KCTD10: variants seen among roughly 807,000 people sequenced by gnomAD.
The protein encoded by KCTD10 is potassium channel tetramerization domain containing 10, also known as BTB/POZ domain-containing adapter for CUL3-mediated RhoA degradation protein 3.
Under a neutral mutation model 34.6 loss-of-function variants are expected in KCTD10, and 13 were observed. That is an observed-to-expected ratio of 0.38 (90% CI 0.24 to 0.60). The LOEUF is 0.60. KCTD10 is among the 20% of genes least tolerant of loss of function. The pLI, the probability that KCTD10 is intolerant of heterozygous loss-of-function variation, is 0.66. For missense variants in KCTD10, 256 were observed against 420.3 expected (o/e 0.61, Z 3.42); for synonymous variants, 156 against 168.8 (o/e 0.92, Z 0.59).
intron 1 of KCTD10, chr12:109,469,960 G>A: frequency 8.1e-7 from 1 of 1,239,002 alleles, no homozygotes; most frequent in Non-Finnish European, 1.1e-6. Context: ...GTCAGAGCTG[G>A]GGTATTGGAT....
rs754381374 is a variant in KCTD10 at position 109,451,807 on chromosome 12, A to C, written c.730T>G (p.Phe244Val). 1 of 1,612,440 alleles carries C rather than the reference A, an allele frequency of 6.2e-7. No individual in the cohort carries two copies. Among genetic ancestry groups the C allele is most frequent in the South Asian group, 1.1e-5 (1 of 90,778 alleles). Residue 244 changes from phenylalanine to valine, a missense_variant, in exon 7 of 7, where the codon TTT (phenylalanine) becomes GTT (valine). By Grantham distance (50) the Phe-to-Val change is conservative (BLOSUM62 -1). Transcript: ENST00000228495. The surrounding 1 kb of genome is among the most constrained non-coding windows in gnomAD (Gnocchi z 5.0). ...TCCTCATAAATCCGGGCTTCGGGAA[A>C]CTCCACCTGTGTTCCCACAGTATAC... ...ATEKKQTKVE[F>V]PEARIYEETL...
chr12:109,460,290 C>T lies in KCTD10; in HGVS notation c.387+346G>A, dbSNP rs1193619825. 2 of 216,056 alleles carry T rather than the reference C, an allele frequency of 9.3e-6. No individual in the cohort carries two copies. Among genetic ancestry groups the T allele is most frequent in the Non-Finnish European group, 1.9e-5 (2 of 107,916 alleles). The allele number at this position is 216,056 out of a possible 1,614,324, so 13.4% of individuals were successfully genotyped here. A position where few individuals can be genotyped will look rare whatever the true frequency, so the allele number is the denominator to read the frequency against. Reference sequence around the variant, plus strand: ...GTCTGTCTGTAGAGATTATGCTGAGCTCCCAACAATGACTTGTGGGACTAG... The same window carrying T: ...GTCTGTCTGTAGAGATTATGCTGAGTTCCCAACAATGACTTGTGGGACTAG... On this transcript the variant is annotated intron_variant, in intron 3 of 6. Coordinates refer to ENST00000228495, the MANE Select transcript of KCTD10 (RefSeq NM_031954.5). The surrounding 1 kb of genome is among the most constrained non-coding windows in gnomAD (Gnocchi z 4.5).
At chr12:109,461,123 G>T (rs1261692816) in intron 2 of KCTD10, among the ~76,000 whole-genome samples, 1 of 152,232 alleles carries the variant, frequency 6.6e-6, no homozygotes, top group Non-Finnish European at 1.5e-5. Flanking sequence ...TCCAACAGGG[G>T]CCTCGTGTAC....
At chr12:109,470,598 A>G in intron 1 of KCTD10, 1 of 985,480 alleles carries the variant, frequency 1.0e-6, no homozygotes, top group Non-Finnish European at 1.2e-6. Flanking sequence ...ATCTTTGCTG[A>G]ATCTGGGGTA....
chr12:109,469,856 C>T, intron 1 of KCTD10, 128 bp from the exon 2 acceptor site: 1 of 1,451,484 alleles, frequency 6.9e-7, no homozygotes. Flanking sequence ...AAGTTTGCTT[C>T]CAATGTGGAC....
Position 109,469,504 on chromosome 12 carries a change from G to A in KCTD10, c.217+11C>T, listed in dbSNP as rs757779430. On this transcript the variant is annotated intron_variant, in intron 2 of 6. Coordinates refer to ENST00000228495, the MANE Select transcript of KCTD10 (RefSeq NM_031954.5). ...CATGGCCAGAGGCAGGCACATGGTG[G>A]GTGAGCTTACCTTCACTGTCGGTGA... The A allele has an allele frequency of 1.4e-5, 22 of 1,613,138 alleles. No homozygotes were observed. In the South Asian group the frequency reaches 2.2e-4, roughly 16 times the overall value.
In KCTD10 at chr12:109,451,744, G is replaced by A. The variant is rs143606895; in HGVS notation, c.793C>T (p.Arg265Trp). 1.1e-4 allele frequency: 174 copies of A among 1,614,136 alleles called. No individual in the cohort carries two copies. The highest frequency in any genetic ancestry group is 1.4e-4 in the Non-Finnish European group (165 of 1,180,002). ...NILLYEAQDG[R>W]GPDNALLEAT... ...TCCAGGAGCGCATTGTCAGGTCCCC[G>A]GCCATCCTGGGCCTCATACAGCAAA... Residue 265 changes from arginine (R) to tryptophan (W), a missense_variant, in exon 7 of 7, where the codon CGG (arginine) becomes TGG (tryptophan). Coordinates refer to ENST00000228495, the MANE Select transcript of KCTD10 (RefSeq NM_031954.5). The surrounding 1 kb of genome is among the most constrained non-coding windows in gnomAD (Gnocchi z 5.0).
intron 2 of KCTD10, among the ~76,000 whole-genome samples, chr12:109,466,895 C>G (rs1382475155): frequency 6.6e-6 from 1 of 152,252 alleles, no homozygotes; most frequent in South Asian, 2.1e-4. Context: ...CTGCAGGATG[C>G]AGGGAGTCTA....
At chr12:109,465,543 C>T (rs556420096) in intron 2 of KCTD10, among the ~76,000 whole-genome samples, 2 of 152,284 alleles carry the variant, frequency 1.3e-5, no homozygotes, top group South Asian at 4.2e-4. Context: ...GTGACTCCCT[C>T]TGTAGCCAAG....
At chr12:109,474,543 C>T (rs1378431107) in intron 1 of KCTD10, among the ~76,000 whole-genome samples, 2 of 152,088 alleles carry the variant, frequency 1.3e-5, no homozygotes, top group Admixed American at 6.6e-5. Flanking sequence ...GTGGACTAGG[C>T]AACAGAATTT....
At chr12:109,458,176 C>T in intron 3 of KCTD10, 98 bp from the exon 4 acceptor site, 3 of 865,992 alleles carry the variant, frequency 3.5e-6, no homozygotes, top group Non-Finnish European at 5.7e-6. Context: ...GGAGATGGGG[C>T]AGTCATGGCT....
At chr12:109,471,240 G>C (rs1873872050) in intron 1 of KCTD10, 2 of 985,276 alleles carry the variant, frequency 2.0e-6, no homozygotes, top group South Asian at 9.4e-5. Flanking sequence ...GGAGTAAAGG[G>C]AGGCAGCTTG....
At position 109,472,037 on chromosome 12, in the gene KCTD10, T is replaced by C. The variant is rs1390092732; in HGVS notation, c.4-2309A>G. Reference sequence around the variant, plus strand: ...AGCGAGTGGTGAGTAAATGTGAAGGTCTAGGACATTACTGTACACTACTGT... The same window carrying C: ...AGCGAGTGGTGAGTAAATGTGAAGGCCTAGGACATTACTGTACACTACTGT... On this transcript the variant is annotated intron_variant, in intron 1 of 6. Coordinates refer to ENST00000228495, the MANE Select transcript of KCTD10 (RefSeq NM_031954.5). Among the ~76,000 whole-genome samples the C allele has an allele frequency of 3.9e-5, 6 of 152,096 alleles. No homozygotes were observed. The East Asian group carries it at 1.2e-3, about 29-fold the overall frequency.
rs778622333 is a variant in KCTD10, at chr12:109,456,402, C to A, written c.528-89G>T. On this transcript the variant is annotated intron_variant, in intron 5 of 6. Transcript: ENST00000228495. ...CTTCTACACGCAGGGCCCTACTGAGCCCACTTTCTCCACTACCTCATTTCA... is the reference window on the plus strand; with the variant it reads ...CTTCTACACGCAGGGCCCTACTGAGACCACTTTCTCCACTACCTCATTTCA... The A allele has an allele frequency of 9.8e-5, 105 of 1,076,496 alleles. 2 individuals carry two copies. In the South Asian group the frequency reaches 1.3e-3, roughly 13 times the overall value. 66.7% of individuals were successfully genotyped at this position (1,076,496 alleles called of 1,614,324 possible).
chr12:109,454,116 G>C (rs770507378), intron 6 of KCTD10, among the ~76,000 whole-genome samples: 19 of 152,158 alleles, frequency 1.2e-4, no homozygotes, highest in Admixed American at 2.6e-4. Context: ...AAAATGTTTA[G>C]GATACAATCA....
At chr12:109,475,175 TA>T (rs1874097610) in intron 1 of KCTD10, among the ~76,000 whole-genome samples, 1 of 151,956 alleles carries the variant, frequency 6.6e-6, no homozygotes, top group Non-Finnish European at 1.5e-5. Context: ...TGCGTGTGCT[TA>T]AAAAACATGA....
chr12:109,477,169 C>A (rs1021482767), intron 1 of KCTD10, 91 bp downstream of exon 1: 3 of 1,519,496 alleles, frequency 2.0e-6, no homozygotes, highest in Non-Finnish European at 2.7e-6. Flanking sequence ...CCTCATCACA[C>A]CCCCTCCTCT....
chr12:109,459,375 G>A (rs1304252444), intron 3 of KCTD10: 3 of 152,234 alleles, frequency 2.0e-5, no homozygotes, highest in African/African-American at 2.4e-5. Flanking sequence ...CCAAGACAAA[G>A]ATGAAACAGA....
At chr12:109,467,445 C>T (rs1357355379) in intron 2 of KCTD10, among the ~76,000 whole-genome samples, 1 of 152,040 alleles carries the variant, frequency 6.6e-6, no homozygotes, top group Non-Finnish European at 1.5e-5. Flanking sequence ...CATAGTGAGG[C>T]CCCATCTCCA....
Sources: gnomAD v4.1 joint callset for allele counts (sites outside exome capture counted in the v4.1 genomes callset) on GRCh38, gnomAD v4.1.1 for gene constraint, Gnocchi (gnomAD v3.1) non-coding constraint, MANE v1.5 for transcripts, NCBI Gene and HGNC (gene_info 2026-07-23, HGNC 2026-07-21) for gene names.